Variants in ACAP3 observed in about 807,000 individuals in gnomAD.
ACAP3 encodes ArfGAP with coiled-coil, ankyrin repeat and PH domains 3.
Under a neutral mutation model 104.1 loss-of-function variants are expected in ACAP3, and 56 were observed. That is an observed-to-expected ratio of 0.54 (90% CI 0.43 to 0.67). The LOEUF (loss-of-function observed/expected upper bound fraction) is 0.67. Ranked by LOEUF, ACAP3 falls within the 30% of genes least tolerant of loss-of-function variation. ACAP3 has a pLI of 0.00. For synonymous variants in ACAP3, 628 were observed against 496.2 expected (o/e 1.27, Z -3.53); for missense variants, 1,208 against 1,174.9 (o/e 1.03, Z -0.41).
At chr1:1,299,795 C>T (rs968313817) in intron 9 of ACAP3, 36 bp downstream of exon 9, 32 of 1,531,326 alleles carry the variant, frequency 2.1e-5, no homozygotes, top group African/African-American at 1.8e-4. Flanking sequence ...GCCTCCCAGG[C>T]GCCTGGTGTG....
Position 1,296,012 on chromosome 1 carries a change from C to T in ACAP3, c.1502+3G>A, listed in dbSNP as rs1641126432. 6.2e-7 allele frequency: 1 copy of T among 1,612,804 alleles called. No individual in the cohort carries two copies. The highest frequency in any genetic ancestry group is 8.5e-7 in the Non-Finnish European group (1 of 1,179,972). On this transcript the variant is annotated splice_donor_region_variant and intron_variant, in intron 17 of 23. Coordinates refer to ENST00000354700, the MANE Select transcript of ACAP3 (RefSeq NM_030649.3). ...GACTGATCCAGACTGTACCCCACCT[C>T]ACCGGGAGCTGCTGGCTGTGGGTTT...
chr1:1,293,358 C>T lies in ACAP3; in HGVS notation c.*206G>A, dbSNP rs1463930480. 2 of 413,388 alleles carry T rather than the reference C, an allele frequency of 4.8e-6. No individual in the cohort carries two copies. The highest frequency in any genetic ancestry group is 7.9e-5 in the South Asian group (1 of 12,688). The allele number at this position is 413,388 out of a possible 1,614,324, so 25.6% of individuals were successfully genotyped here. A position where few individuals can be genotyped will look rare whatever the true frequency, so the allele number is the denominator to read the frequency against. ...GGGACACCCGACGATGCAGCACCCC[C>T]CCAGGGAAACGTGAGGCTTCAAGAG... On this transcript the variant is annotated 3_prime_UTR_variant, in exon 24 of 24. Coordinates refer to ENST00000354700, the MANE Select transcript of ACAP3 (RefSeq NM_030649.3).
intron 14 of ACAP3, among the ~76,000 whole-genome samples, chr1:1,297,063 G>A (rs900473639): frequency 8.5e-5 from 13 of 152,258 alleles, no homozygotes; most frequent in African/African-American, 9.6e-5. Flanking sequence ...ACACACAGGC[G>A]TGTGCACGTG....
intron 22 of ACAP3, 27 bp downstream of exon 22, chr1:1,294,063 G>C: frequency 6.5e-7 from 1 of 1,541,984 alleles, no homozygotes; most frequent in Non-Finnish European, 8.8e-7. Context: ...TCGGGGCACA[G>C]GGCGGGGCGT....
At chr1:1,294,271 G>T in intron 21 of ACAP3, 72 bp from the exon 22 acceptor site, 2 of 1,517,124 alleles carry the variant, frequency 1.3e-6, no homozygotes, top group Non-Finnish European at 1.8e-6. Flanking sequence ...CCTGACCCCG[G>T]CCTTGGGCGC....
intron 1 of ACAP3, among the ~76,000 whole-genome samples, chr1:1,306,908 T>G (rs115464315): frequency 0.02 from 3,035 of 152,266 alleles, 35 homozygotes; most frequent in South Asian, 0.033. Flanking sequence ...CGTGCACTCA[T>G]CGGCAGGCTA....
intron 1 of ACAP3, chr1:1,307,343 C>A (rs1330072914): frequency 7.8e-7 from 1 of 1,289,674 alleles, no homozygotes; most frequent in African/African-American, 1.5e-5. Flanking sequence ...CTACCCCAGG[C>A]CTTAAACGCG....
At chr1:1,293,995 G>C (rs1640984636) in intron 22 of ACAP3, 62 bp from the exon 23 acceptor site, 1 of 1,471,038 alleles carries the variant, frequency 6.8e-7, no homozygotes, top group East Asian at 2.7e-5. Context: ...TGTGGTCGCG[G>C]GGGCGTGGCC....
chr1:1,297,957 G>A (rs776840219), intron 13 of ACAP3, 24 bp from the exon 14 acceptor site: 6 of 1,610,804 alleles, frequency 3.7e-6, no homozygotes, highest in Admixed American at 3.3e-5. Flanking sequence ...AGGGGCGGGC[G>A]TCAGCTCCGG....
intron 14 of ACAP3, among the ~76,000 whole-genome samples, chr1:1,297,343 G>A (rs1446993253): frequency 1.7e-4 from 2 of 11,564 alleles, no homozygotes; most frequent in African/African-American, 8.8e-4. Context: ...GTGTGTGCAC[G>A]GGCTTGGGGC....
chr1:1,296,132 G>A (rs764453255), intron 16 of ACAP3, 23 bp from the exon 17 acceptor site: 6 of 1,612,286 alleles, frequency 3.7e-6, no homozygotes, highest in Non-Finnish European at 4.2e-6. Context: ...AGGGCGAGCA[G>A]GCATCAGTGC....
chr1:1,296,711 C>A, intron 14 of ACAP3, 78 bp from the exon 15 acceptor site: 1 of 1,440,494 alleles, frequency 6.9e-7, no homozygotes, highest in South Asian at 1.3e-5. Flanking sequence ...CCTCCCCAGC[C>A]AGAAGAGCCA....
Position 1,295,433 on chromosome 1 carries a change from C to T in ACAP3, c.1813+14G>A. 1 of 1,611,300 alleles carries T rather than the reference C, an allele frequency of 6.2e-7. No individual in the cohort carries two copies. Among genetic ancestry groups the T allele is most frequent in the Non-Finnish European group, 8.5e-7 (1 of 1,178,940 alleles). On this transcript the variant is annotated intron_variant, in intron 19 of 23. Coordinates refer to ENST00000354700, the MANE Select transcript of ACAP3 (RefSeq NM_030649.3). ...CCCTGCCCTGCCACCTGGCTGGGCC[C>T]ACCCCACACTTACTGCGAGGGCCAG... is the stretch of plus-strand genomic sequence containing the variant.
In ACAP3 at chr1:1,295,498, C is replaced by T; in HGVS notation, c.1762G>A (p.Asp588Asn). The T allele has an allele frequency of 6.2e-7, 1 of 1,612,660 alleles. No individual in the cohort carries two copies. Among genetic ancestry groups the T allele is most frequent in the South Asian group, 1.1e-5 (1 of 91,084 alleles). ...GCGTCGAAGTAGGAGAAGAGCGAGT[C>T]CAGCTCGTCGGGACAGAAGAGGGAG... ...RDSLFCPDEL[D>N]SLFSYFDAGA... Residue 588 changes from aspartate to asparagine, a missense_variant, in exon 19 of 24, where the codon GAC becomes AAC. By Grantham distance (23) the Asp-to-Asn change is conservative. Coordinates refer to ENST00000354700, the MANE Select transcript of ACAP3 (RefSeq NM_030649.3).
intron 1 of ACAP3, chr1:1,304,556 G>T: frequency 4.0e-6 from 1 of 248,990 alleles, no homozygotes; most frequent in Non-Finnish European, 7.9e-6. Flanking sequence ...CACTACTGCA[G>T]CCCATCCAGG....
chr1:1,299,754 G>T, intron 9 of ACAP3, 77 bp downstream of exon 9: 2 of 1,438,266 alleles, frequency 1.4e-6, no homozygotes, highest in Non-Finnish European at 1.9e-6. Context: ...GGGCGGGGAG[G>T]GTGTGCCGGG....
intron 23 of ACAP3, 23 bp from the exon 24 acceptor site, chr1:1,293,731 A>ACGCCCCTGCCGTGGAGGCCC (rs1640951168): frequency 1.1e-6 from 1 of 938,914 alleles, no homozygotes; most frequent in African/African-American, 2.2e-5. Context: ...ACAGCGTGAG[A>ACGCCCCTGCCGTGGAGGCCC]CGCCCCTGCC....
intron 1 of ACAP3, 75 bp from the exon 2 acceptor site, chr1:1,304,218 C>A: frequency 6.6e-7 from 1 of 1,509,604 alleles, no homozygotes; most frequent in Non-Finnish European, 9.0e-7. Context: ...CCCCGCACCT[C>A]CCTGAGGGGC....
chr1:1,307,137 A>G, intron 1 of ACAP3: 1 of 1,248,960 alleles, frequency 8.0e-7, no homozygotes, highest in Non-Finnish European at 1.1e-6. Context: ...AGCAAAGCCG[A>G]TGCACACTTG....
Sources: gnomAD v4.1 joint callset for allele counts (sites outside exome capture counted in the v4.1 genomes callset) on GRCh38, gnomAD v4.1.1 for gene constraint, MANE v1.5 for transcripts, NCBI Gene and HGNC (gene_info 2026-07-23, HGNC 2026-07-21) for gene names.